The following FSCN2 variants were observed in gnomAD, a reference collection of about 807,000 sequenced individuals.
FSCN2 encodes fascin-2.
A neutral mutation model predicts 37.8 loss-of-function variants in FSCN2; 46 were observed. The observed-to-expected ratio is 1.22, with a 90% CI of 0.96 to 1.56. FSCN2 has a LOEUF of 1.56. FSCN2 is among the 40% of genes most tolerant of loss of function. FSCN2 has a pLI of 0.00. For synonymous variants in FSCN2, 351 were observed against 309.4 expected (o/e 1.13, Z -1.41); for missense variants, 844 against 730.4 (o/e 1.16, Z -1.79).
In FSCN2 at chr17:81,536,985, C is replaced by T. The variant is rs1417775775; in HGVS notation, c.1384C>T (p.Arg462Cys). Residue 462 changes from arginine (R) to cysteine (C), a missense_variant, in exon 5 of 5, where the codon CGC becomes TGC. Coordinates refer to ENST00000417245, the MANE Select transcript of FSCN2 (RefSeq NM_012418.4). ...EFRERGRLAI[R>C]ARSGKYLRGG... Reference sequence around the variant, plus strand: ...CCGTGAGCGCGGCCGCCTGGCCATCCGCGCCCGGAGCGGCAAGTACCTGCG... The same window carrying T: ...CCGTGAGCGCGGCCGCCTGGCCATCTGCGCCCGGAGCGGCAAGTACCTGCG... 1.3e-6 allele frequency: 2 copies of T among 1,532,372 alleles called. No individual in the cohort carries two copies. Among genetic ancestry groups the T allele is most frequent in the Non-Finnish European group, 1.7e-6 (2 of 1,147,794 alleles). 94.9% of individuals were successfully genotyped at this position (1,532,372 alleles called of 1,614,324 possible).
upstream of FSCN2, chr17:81,527,060 C>G (rs1359856911): frequency 6.6e-6 from 1 of 152,294 alleles, no homozygotes; most frequent in Non-Finnish European, 1.5e-5. Flanking sequence ...TCTGCAGGTG[C>G]CTGGCACGGT....
chr17:81,530,568 C>T (rs771959188), intron 1 of FSCN2: 1 of 510,518 alleles, frequency 2.0e-6, no homozygotes, highest in South Asian at 1.4e-5. Flanking sequence ...GGAGCTCCTC[C>T]TCCCAACTCA....
At chr17:81,528,321 C>A (rs2143844433), upstream of FSCN2, 1 of 582,584 alleles carries the variant, frequency 1.7e-6, no homozygotes, top group East Asian at 2.9e-5. Context: ...CCCTCCCCGC[C>A]CGCCCTCTGC....
upstream of FSCN2, among the ~76,000 whole-genome samples, chr17:81,526,060 A>C (rs1713857101): frequency 6.6e-6 from 1 of 152,196 alleles, no homozygotes. Flanking sequence ...TGGCTCTGCC[A>C]CCAAGAGGCT....
At chr17:81,519,722 A>T in the FSCN2 span, among the ~76,000 whole-genome samples, 1 of 152,072 alleles carries the variant, frequency 6.6e-6, no homozygotes, top group African/African-American at 2.4e-5. Context: ...GCTGACGCGG[A>T]AAAGTGGGAT....
At chr17:81,518,504 G>A in the FSCN2 span, among the ~76,000 whole-genome samples, 2 of 152,152 alleles carry the variant, frequency 1.3e-5, no homozygotes, top group African/African-American at 4.8e-5. Context: ...AGGCTAGGCC[G>A]ATTCGCAGCT....
chr17:81,518,486 G>T, the FSCN2 span, among the ~76,000 whole-genome samples: 1 of 152,080 alleles, frequency 6.6e-6, no homozygotes, highest in African/African-American at 2.4e-5. Context: ...AGGAGGGAGC[G>T]CAGAGGAAGG....
chr17:81,518,223 T>C, the FSCN2 span, among the ~76,000 whole-genome samples: 1 of 152,148 alleles, frequency 6.6e-6, no homozygotes, highest in South Asian at 2.1e-4. Flanking sequence ...CCTCCTGGCA[T>C]GCCCCCATGC....
At chr17:81,524,989 C>A (rs1426058619), upstream of FSCN2, among the ~76,000 whole-genome samples, 1 of 151,978 alleles carries the variant, frequency 6.6e-6, no homozygotes, top group Non-Finnish European at 1.5e-5. Flanking sequence ...AGAACCCGGC[C>A]CTGTGCTGGG....
chr17:81,530,751 A>G, intron 1 of FSCN2: 1 of 368,420 alleles, frequency 2.7e-6, no homozygotes, highest in Non-Finnish European at 5.3e-6. Flanking sequence ...GAGCCCAGCC[A>G]TGGCTATGGG....
chr17:81,536,325 C>A, intron 3 of FSCN2, 58 bp downstream of exon 3: 1 of 1,548,796 alleles, frequency 6.5e-7, no homozygotes, highest in Non-Finnish European at 8.7e-7. Context: ...AGGGAAAGGA[C>A]CTGCCCAGAC....
chr17:81,518,957 C>T, the FSCN2 span: 12 of 152,252 alleles, frequency 7.9e-5, no homozygotes, highest in African/African-American at 2.9e-4. Flanking sequence ...TCAGGGTACC[C>T]GAGTCTTAGC....
At chr17:81,532,387 C>A (rs796071254) in intron 1 of FSCN2, among the ~76,000 whole-genome samples, 366 of 24,872 alleles carry the variant, frequency 0.015, 5 homozygotes, top group African/African-American at 0.07. Flanking sequence ...ATAGTGATGG[C>A]GATGATGGTG....
the FSCN2 span, among the ~76,000 whole-genome samples, chr17:81,515,713 G>A: frequency 2.0e-5 from 3 of 152,206 alleles, no homozygotes; most frequent in Non-Finnish European, 4.4e-5. Flanking sequence ...CAGTTGACAG[G>A]GCCCCCCAGT....
chr17:81,531,588 ATGG>A (rs1389995542), intron 1 of FSCN2, among the ~76,000 whole-genome samples: 3 of 105,834 alleles, frequency 2.8e-5, no homozygotes, highest in African/African-American at 7.5e-5. Flanking sequence ...GATGATGGTG[ATGG>A]TGATAGTGAT....
intron 1 of FSCN2, among the ~76,000 whole-genome samples, chr17:81,532,617 A>ATGG (rs1380489738): frequency 0.016 from 2,157 of 132,704 alleles, 82 homozygotes; most frequent in African/African-American, 0.065. Flanking sequence ...GATGGTGATG[A>ATGG]TAATGGTGAT....
chr17:81,535,000 C>G, intron 1 of FSCN2, 52 bp from the exon 2 acceptor site: 3 of 1,429,926 alleles, frequency 2.1e-6, no homozygotes, highest in South Asian at 1.4e-5. Flanking sequence ...GCCCCCTCCC[C>G]TGCTCCCTAC....
Position 81,536,745 on chromosome 17 carries a change from A to G in FSCN2, c.1229A>G (p.Asp410Gly), listed in dbSNP as rs1392008452. 2.5e-6 allele frequency: 4 copies of G among 1,610,282 alleles called. No individual in the cohort carries two copies. Among genetic ancestry groups the G allele is most frequent in the Admixed American group, 1.7e-5 (1 of 59,798 alleles). The change falls in exon 4 of 5, where the codon GAC becomes GGC. Residue 410 changes from aspartate (D) to glycine (G), a missense_variant. By Grantham distance (94) the Asp-to-Gly change is moderately conservative (BLOSUM62 -1). Transcript: ENST00000417245. ...NQLDTNRSVY[D>G]VFHLSFSDGA... ...CTGGACACCAACCGCTCCGTCTACGACGTCTTCCACCTGAGCTTCAGCGAC... is the reference window on the plus strand; with the variant it reads ...CTGGACACCAACCGCTCCGTCTACGGCGTCTTCCACCTGAGCTTCAGCGAC...
the FSCN2 span, among the ~76,000 whole-genome samples, chr17:81,519,911 C>T: frequency 1.3e-5 from 2 of 152,204 alleles, no homozygotes; most frequent in Non-Finnish European, 2.9e-5. Context: ...TAGCAGATGG[C>T]CCCTGCTAAG....
Sources: gnomAD v4.1 joint callset for allele counts (sites outside exome capture counted in the v4.1 genomes callset) on GRCh38, gnomAD v4.1.1 for gene constraint, MANE v1.5 for transcripts, NCBI Gene and HGNC (gene_info 2026-07-23, HGNC 2026-07-21) for gene names.